NOS1: variants seen among roughly 807,000 people sequenced by gnomAD.
NOS1 encodes the protein nitric oxide synthase 1.
In NOS1, 51 loss-of-function variants were observed where a neutral mutation model predicts 164.5. The observed-to-expected ratio is 0.31, with a 90% CI of 0.25 to 0.39. The LOEUF is 0.39. NOS1 is among the 10% of genes least tolerant of loss of function. The pLI is 1.00. For synonymous variants in NOS1, 719 were observed against 745.8 expected (o/e 0.96, Z 0.59); for missense variants, 1,362 against 1,885.6 (o/e 0.72, Z 5.14).
Position 117,356,857 on chromosome 12 carries a change from A to G in NOS1, c.-421+4655T>C, listed in dbSNP as rs943099074. ...TGCTCATCATTCTTCCACCTTAAGA[A>G]TGGGCATGTGAGCAACATAAACACA... On this transcript the variant is annotated intron_variant, in intron 1 of 28. Transcript: ENST00000317775. This position sits in a 1 kb window ranked among gnomAD's most constrained non-coding sequence, Gnocchi z 4.2. Among the ~76,000 whole-genome samples the G allele has an allele frequency of 1.3e-5, 2 of 152,230 alleles. No homozygotes were observed. Among genetic ancestry groups the G allele is most frequent in the African/African-American group, 4.8e-5 (2 of 41,466 alleles).
intron 3 of NOS1, among the ~76,000 whole-genome samples, chr12:117,299,923 T>C (rs11832564): frequency 0.036 from 5,437 of 152,198 alleles, 312 homozygotes; most frequent in African/African-American, 0.12. Flanking sequence ...CCAGAATGTA[T>C]ATATACACTA....
intron 3 of NOS1, among the ~76,000 whole-genome samples, chr12:117,300,791 G>A (rs956021194): frequency 1.3e-5 from 2 of 152,116 alleles, no homozygotes; most frequent in Non-Finnish European, 2.9e-5. Context: ...TTAGAACTAG[G>A]GATTTGGGGC....
Position 117,263,918 on chromosome 12 carries a change from C to T in NOS1, c.2193G>A (p.Arg731=). The T allele has an allele frequency of 6.2e-7, 1 of 1,613,958 alleles. No individual in the cohort carries two copies. Among genetic ancestry groups the T allele is most frequent in the Non-Finnish European group, 8.5e-7 (1 of 1,179,942 alleles). ...CTAGCTTCTTGAAGCCAATGGCTCG[C>T]CGCTTTGTGGGGGTCCCGTTGGTGC... The part of the protein sequence containing the change: ...WKGTNGTPTK[R]RAIGFKKLAE... Residue 731 remains arginine (R), a synonymous_variant, in exon 13 of 29, where the codon CGG becomes CGA. Coordinates refer to ENST00000317775, the MANE Select transcript of NOS1 (RefSeq NM_000620.5).
At chr12:117,247,292 C>A in intron 18 of NOS1, 56 bp downstream of exon 18, 1 of 1,426,982 alleles carries the variant, frequency 7.0e-7, no homozygotes, top group Non-Finnish European at 9.5e-7. Context: ...TAGGTGCTGT[C>A]TTTGGGGGTG....
chr12:117,257,094 A>G (rs1281513012), intron 16 of NOS1, among the ~76,000 whole-genome samples: 2 of 151,852 alleles, frequency 1.3e-5, no homozygotes, highest in Non-Finnish European at 2.9e-5. Context: ...TTTTATTTTT[A>G]TTTTTTAGAG....
rs1180210983 is a variant in NOS1 at position 117,243,566 on chromosome 12, C to CATCT, written c.2824-132_2824-131insAGAT. On this transcript the variant is annotated intron_variant, in intron 18 of 28. Transcript: ENST00000317775. The surrounding 1 kb of genome is among the most constrained non-coding windows in gnomAD (Gnocchi z 4.3). ...CTATCCAACCATCCATCCATCCATCCATCCATCCATCCATCCATCCATCCA... is the reference window on the plus strand; with the variant it reads ...CTATCCAACCATCCATCCATCCATCCATCTATCCATCCATCCATCCATCCATCCA... The CATCT allele has an allele frequency of 7.5e-6, 6 of 803,390 alleles. No homozygotes were observed. Among genetic ancestry groups the CATCT allele is most frequent in the South Asian group, 1.8e-5 (1 of 56,234 alleles). 49.8% of individuals were successfully genotyped at this position (803,390 alleles called of 1,614,324 possible). A position where few individuals can be genotyped will look rare whatever the true frequency, so the allele number is the denominator to read the frequency against.
At chr12:117,241,548 G>T (rs1239438448) in intron 20 of NOS1, among the ~76,000 whole-genome samples, 1 of 150,752 alleles carries the variant, frequency 6.6e-6, no homozygotes, top group Non-Finnish European at 1.5e-5. Context: ...AGTGAACTAT[G>T]CTGTGCAAAG....
At chr12:117,284,691 G>T (rs943707627) in intron 7 of NOS1, among the ~76,000 whole-genome samples, 1 of 152,146 alleles carries the variant, frequency 6.6e-6, no homozygotes, top group African/African-American at 2.4e-5. Context: ...TGCTGCTGTA[G>T]TTTTGCAAAC....
chr12:117,258,936 A>C (rs1400826860), intron 15 of NOS1, 90 bp downstream of exon 15: 1 of 840,632 alleles, frequency 1.2e-6, no homozygotes, highest in African/African-American at 1.7e-5. Flanking sequence ...TTTGCTACTG[A>C]ATAGCAGGTG....
At chr12:117,290,504 A>T in intron 3 of NOS1, 78 bp from the exon 4 acceptor site, 1 of 1,507,446 alleles carries the variant, frequency 6.6e-7, no homozygotes, top group African/African-American at 1.4e-5. Context: ...AGGCTGGGAG[A>T]GCCATTGTTC....
At chr12:117,228,027 T>C (rs1566028343) in intron 22 of NOS1, among the ~76,000 whole-genome samples, 2 of 148,498 alleles carry the variant, frequency 1.3e-5, no homozygotes, top group Admixed American at 6.8e-5. Context: ...TGAGACCCTG[T>C]TGACAGATAG....
At chr12:117,254,101 TA>T (rs769066980) in intron 16 of NOS1, among the ~76,000 whole-genome samples, 198 of 146,162 alleles carry the variant, frequency 1.4e-3, no homozygotes, top group Admixed American at 1.2e-3. Context: ...CCCTTGTTTC[TA>T]AAAAAAAAAA....
chr12:117,272,600 T>A lies in NOS1; in HGVS notation c.1665-41A>T. On this transcript the variant is annotated intron_variant, in intron 9 of 28. Coordinates refer to ENST00000317775, the MANE Select transcript of NOS1 (RefSeq NM_000620.5). This position sits in a 1 kb window ranked among gnomAD's most constrained non-coding sequence, Gnocchi z 4.3. ...GGGCCCAGCTCACCCGGAGCAGGTG[T>A]CTCATGGGCGGGACAGCTTGAATCT... The A allele has an allele frequency of 6.3e-7, 1 of 1,591,094 alleles. No individual in the cohort carries two copies. Among genetic ancestry groups the A allele is most frequent in the Non-Finnish European group, 8.6e-7 (1 of 1,166,572 alleles).
rs184081967 is a variant in NOS1 at position 117,267,652 on chromosome 12, T to A, written c.1941+391A>T. Among the ~76,000 whole-genome samples, 338 of 152,266 alleles carry A rather than the reference T, an allele frequency of 2.2e-3. 1 individual carries two copies. Among genetic ancestry groups the A allele is most frequent in the African/African-American group, 7.7e-3 (321 of 41,554 alleles). On this transcript the variant is annotated intron_variant, in intron 11 of 28. Transcript: ENST00000317775. Reference sequence around the variant, plus strand: ...TTCCAGCCATCCTGCTATAATGCCATTTAGCACAGCCTCATGCATTTATTT... The same window carrying A: ...TTCCAGCCATCCTGCTATAATGCCAATTAGCACAGCCTCATGCATTTATTT...
intron 1 of NOS1, among the ~76,000 whole-genome samples, chr12:117,344,911 G>A (rs1444721577): frequency 6.6e-6 from 1 of 152,204 alleles, no homozygotes; most frequent in Non-Finnish European, 1.5e-5. Flanking sequence ...AGGAGCTACA[G>A]GCTCATAGTC....
chr12:117,237,286 C>T (rs1397017236), intron 20 of NOS1, among the ~76,000 whole-genome samples: 1 of 152,072 alleles, frequency 6.6e-6, no homozygotes, highest in Non-Finnish European at 1.5e-5. Flanking sequence ...AGCCCGCCAC[C>T]ATGCCCGGCT....
intron 11 of NOS1, 24 bp downstream of exon 11, chr12:117,268,019 T>C: frequency 1.3e-6 from 2 of 1,526,050 alleles, no homozygotes; most frequent in African/African-American, 1.4e-5. Flanking sequence ...AGCTTGACCC[T>C]GGTGGTGCGG....
chr12:117,266,894 T>C (rs1009429175), intron 11 of NOS1, among the ~76,000 whole-genome samples: 2 of 152,202 alleles, frequency 1.3e-5, no homozygotes, highest in African/African-American at 4.8e-5. Context: ...ACAGACTTCA[T>C]ACCAGTCCAT....
In NOS1 at chr12:117,304,181, A is replaced by G. The variant is rs545095784; in HGVS notation, c.852+7285T>C. 5.3e-5 allele frequency among the ~76,000 whole-genome samples: 8 copies of G among 152,198 alleles called. No individual in the cohort carries two copies. In the South Asian group the frequency reaches 6.2e-4, roughly 12 times the overall value. On this transcript the variant is annotated intron_variant, in intron 3 of 28. Coordinates refer to ENST00000317775, the MANE Select transcript of NOS1 (RefSeq NM_000620.5). Reference sequence around the variant, plus strand: ...AGCGAGACTCCATCTCAAAAAAAAAACCACAAAAACACAACATGTGTCTCA... The same window carrying G: ...AGCGAGACTCCATCTCAAAAAAAAAGCCACAAAAACACAACATGTGTCTCA...
Sources: allele counts gnomAD v4.1 joint callset (sites outside exome capture counted in the v4.1 genomes callset), GRCh38; gene constraint gnomAD v4.1.1; non-coding constraint Gnocchi (gnomAD v3.1); transcripts MANE v1.5; gene names NCBI Gene and HGNC (gene_info 2026-07-23, HGNC 2026-07-21).